EDDM13: variants seen among roughly 807,000 people sequenced by gnomAD.
The protein encoded by EDDM13 is epididymal protein 13.
EDDM13 carries 24 observed loss-of-function variants against 17.8 expected under a neutral mutation model. That is an observed-to-expected ratio of 1.35 (90% CI 0.98 to 1.90). EDDM13 has a LOEUF of 1.90. Among genes scored for constraint, EDDM13 ranks in the 40% most tolerant of loss-of-function variants. The probability of loss-of-function intolerance (pLI) is 0.00; values close to 1 mark genes in which losing one functional copy is unlikely to be tolerated. For synonymous variants in EDDM13, 31 were observed against 37.5 expected (o/e 0.83, Z 0.63); for missense variants, 97 against 100.8 (o/e 0.96, Z 0.16).
rs2037948727 is a variant in EDDM13 at position 56,272,793 on chromosome 19, T to G, written c.-42T>G. The G allele has an allele frequency of 1.2e-6, 1 of 852,114 alleles. No individual in the cohort carries two copies. The highest frequency in any genetic ancestry group is 1.4e-6 in the Non-Finnish European group (1 of 708,774). 52.8% of individuals were successfully genotyped at this position (852,114 alleles called of 1,614,324 possible). A position where few individuals can be genotyped will look rare whatever the true frequency, so the allele number is the denominator to read the frequency against. ...CGGTGGGTGACCAGAGAGTCCTGTC[T>G]ATCCTAGGAGGAGAACATTCAGCCC... is the stretch of plus-strand genomic sequence containing the variant. On this transcript the variant is annotated 5_prime_UTR_variant, in exon 1 of 15. Transcript: ENST00000649256.
intron 12 of EDDM13, among the ~76,000 whole-genome samples, chr19:56,300,951 C>A (rs1200963771): frequency 6.6e-6 from 1 of 152,134 alleles, no homozygotes; most frequent in African/African-American, 2.4e-5. Context: ...AAAGATCCTG[C>A]TGGCACTCAT....
intron 8 of EDDM13, among the ~76,000 whole-genome samples, chr19:56,289,441 A>G (rs999188547): frequency 1.2e-4 from 18 of 152,264 alleles, no homozygotes; most frequent in African/African-American, 4.3e-4. Flanking sequence ...TCTCTTCGGA[A>G]GACAGACGTA....
chr19:56,303,346 C>T (rs377074892), intron 13 of EDDM13, among the ~76,000 whole-genome samples: 6 of 151,862 alleles, frequency 4.0e-5, no homozygotes, highest in African/African-American at 9.7e-5. Flanking sequence ...GGCATGGTGG[C>T]GCATGCCTGT....
chr19:56,287,193 T>C (rs2039189328), intron 6 of EDDM13, among the ~76,000 whole-genome samples: 1 of 152,248 alleles, frequency 6.6e-6, no homozygotes, highest in Non-Finnish European at 1.5e-5. Context: ...TGTTTTCCCA[T>C]CAACCTGGAA....
rs2040249829 is a variant in EDDM13 at position 56,301,787 on chromosome 19, G to A, written c.296-181G>A. ...AGGCATTCCTGACTGTTTGTCTGGA[G>A]TATGGTGGTAACCAAGAAGGGGGAA... is the stretch of plus-strand genomic sequence containing the variant. On this transcript the variant is annotated intron_variant, in intron 12 of 14. Transcript: ENST00000649256. The A allele has an allele frequency of 2.2e-5, 12 of 534,920 alleles. 1 individual carries two copies. The South Asian group carries it at 1.1e-3, about 50-fold the overall frequency. 33.1% of individuals were successfully genotyped at this position (534,920 alleles called of 1,614,324 possible).
chr19:56,281,497 G>A lies in EDDM13; in HGVS notation c.104-196G>A, dbSNP rs866007671. On this transcript the variant is annotated intron_variant, in intron 2 of 14. Transcript: ENST00000649256. ...CTGTATTGATCTTTGTCAAATTTAT[G>A]TGACAAACTACATAAAAATAGCGTC... Among the ~76,000 whole-genome samples the A allele has an allele frequency of 3.9e-5, 6 of 152,098 alleles. No individual in the cohort carries two copies. In the South Asian group the frequency reaches 1.0e-3, roughly 26 times the overall value.
Position 56,302,457 on chromosome 19 carries a change from TCTG to T in EDDM13, c.423+365_423+367del, listed in dbSNP as rs1357302684. ...CTTCCTTCCTTTCTTCCTCTCTCCG[TCTG>T]CTTCCTCCCTCCCTTCTTCCTTCCC... On this transcript the variant is annotated intron_variant, in intron 13 of 14. Coordinates refer to ENST00000649256, the MANE Select transcript of EDDM13 (RefSeq NM_001354658.2). Among the ~76,000 whole-genome samples, 16 of 136,964 alleles carry T rather than the reference TCTG, an allele frequency of 1.2e-4. No individual in the cohort carries two copies. In the East Asian group the frequency reaches 3.6e-3, roughly 31 times the overall value. The allele number at this position is 136,964 out of a possible 152,430, so 89.9% of individuals were successfully genotyped here. A position where few individuals can be genotyped will look rare whatever the true frequency, so the allele number is the denominator to read the frequency against.
At chr19:56,304,755 T>C in intron 13 of EDDM13, 38 bp from the exon 14 acceptor site, 1 of 984,606 alleles carries the variant, frequency 1.0e-6, no homozygotes, top group Non-Finnish European at 1.2e-6. Flanking sequence ...ACCCCAACTG[T>C]TTCTTTCTCT....
At chr19:56,286,195 T>C (rs531620705) in intron 6 of EDDM13, among the ~76,000 whole-genome samples, 93 of 151,946 alleles carry the variant, frequency 6.1e-4, no homozygotes, top group African/African-American at 2.0e-3. Flanking sequence ...CTAATTTTTG[T>C]ATTATTAGTA....
intron 12 of EDDM13, among the ~76,000 whole-genome samples, chr19:56,301,103 T>C (rs571749423): frequency 1.1e-4 from 16 of 152,182 alleles, no homozygotes; most frequent in Admixed American, 7.8e-4. Context: ...CAGAGAGGGT[T>C]CTTGAATCTC....
In EDDM13 at chr19:56,284,513, A is replaced by ATTTTTT. The variant is rs11374260; in HGVS notation, c.127+323_127+328dup. Among the ~76,000 whole-genome samples, 47 of 118,330 alleles carry ATTTTTT rather than the reference A, an allele frequency of 4.0e-4. 2 individuals are homozygous for ATTTTTT. In the South Asian group the frequency reaches 8.1e-3, roughly 20 times the overall value. 77.6% of individuals were successfully genotyped at this position (118,330 alleles called of 152,430 possible). A position where few individuals can be genotyped will look rare whatever the true frequency, so the allele number is the denominator to read the frequency against. On this transcript the variant is annotated intron_variant, in intron 5 of 14. Coordinates refer to ENST00000649256, the MANE Select transcript of EDDM13 (RefSeq NM_001354658.2). ...TTAGAGACAAGTGATGCTTGCTGTA[A>ATTTTTT]TTTTTTTTTTTTTTTTTTTTTGAGA...
chr19:56,277,081 T>G (rs1600160633), intron 2 of EDDM13, among the ~76,000 whole-genome samples: 1 of 152,172 alleles, frequency 6.6e-6, no homozygotes, highest in African/African-American at 2.4e-5. Flanking sequence ...AGAACCCTCA[T>G]ATGCTGCTGG....
chr19:56,275,878 A>G (rs2038208597), intron 1 of EDDM13, among the ~76,000 whole-genome samples: 1 of 152,224 alleles, frequency 6.6e-6, no homozygotes, highest in Non-Finnish European at 1.5e-5. Flanking sequence ...TGTTGGTTGG[A>G]TGGATGATGA....
At chr19:56,284,779 C>T (rs1413343266) in intron 5 of EDDM13, among the ~76,000 whole-genome samples, 2 of 152,052 alleles carry the variant, frequency 1.3e-5, no homozygotes, top group Non-Finnish European at 2.9e-5. Flanking sequence ...CCCCAAAGTG[C>T]TAGGATTACA....
intron 3 of EDDM13, among the ~76,000 whole-genome samples, 199 bp downstream of exon 3, chr19:56,281,897 C>T (rs1314960747): frequency 6.6e-6 from 1 of 152,194 alleles, no homozygotes; most frequent in African/African-American, 2.4e-5. Context: ...ACTGGATGGA[C>T]TTTGAGGAGG....
At chr19:56,296,471 T>G (rs919850659) in intron 11 of EDDM13, 109 bp downstream of exon 11, 1 of 152,228 alleles carries the variant, frequency 6.6e-6, no homozygotes, top group African/African-American at 2.4e-5. Flanking sequence ...CCCTACACTC[T>G]TTATCCGTAT....
chr19:56,284,415 G>A (rs1307946518), intron 5 of EDDM13, among the ~76,000 whole-genome samples: 1 of 151,908 alleles, frequency 6.6e-6, no homozygotes, highest in Non-Finnish European at 1.5e-5. Flanking sequence ...GAGCCCAGAA[G>A]TGGATCTGAT....
chr19:56,303,148 C>T (rs1055693693), intron 13 of EDDM13, among the ~76,000 whole-genome samples: 1 of 152,040 alleles, frequency 6.6e-6, no homozygotes, highest in African/African-American at 2.4e-5. Flanking sequence ...ACACCATGTG[C>T]GAGACTCAGA....
chr19:56,308,621 C>A (rs1376884507), intron 14 of EDDM13, among the ~76,000 whole-genome samples: 1 of 151,348 alleles, frequency 6.6e-6, no homozygotes, highest in Non-Finnish European at 1.5e-5. Flanking sequence ...ACCACGCCCC[C>A]CCATATTAAA....
Sources: allele counts gnomAD v4.1 joint callset (sites outside exome capture counted in the v4.1 genomes callset), GRCh38; gene constraint gnomAD v4.1.1; transcripts MANE v1.5; gene names NCBI Gene and HGNC (gene_info 2026-07-23, HGNC 2026-07-21).